The following ADGRL3 variants were observed in gnomAD, a reference collection of about 807,000 sequenced individuals.
The protein encoded by ADGRL3 is adhesion G protein-coupled receptor L3.
Under a neutral mutation model 153.5 loss-of-function variants are expected in ADGRL3, and 62 were observed. That is an observed-to-expected ratio of 0.40 (90% CI 0.33 to 0.50). ADGRL3 has a LOEUF of 0.50. Ranked by LOEUF, ADGRL3 falls within the 20% of genes least tolerant of loss-of-function variation. The pLI is 0.47. For missense variants in ADGRL3, 1,641 were observed against 1,859.4 expected (o/e 0.88, Z 2.16); for synonymous variants, 710 against 672.5 (o/e 1.06, Z -0.86).
intron 8 of ADGRL3, among the ~76,000 whole-genome samples, chr4:61,791,556 G>A (rs993026818): frequency 1.3e-5 from 2 of 152,174 alleles, no homozygotes; most frequent in African/African-American, 4.8e-5. Context: ...GGTGCAAGAT[G>A]TCAGTGGATC....
At chr4:62,037,671 A>T in intron 23 of ADGRL3, 60 bp from the exon 24 acceptor site, 1 of 1,577,566 alleles carries the variant, frequency 6.3e-7, no homozygotes, top group Non-Finnish European at 8.7e-7. Flanking sequence ...TACATTGTCT[A>T]CTTTTGTTCC....
At chr4:61,932,880 A>G (rs543500551) in intron 13 of ADGRL3, among the ~76,000 whole-genome samples, 11 of 150,870 alleles carry the variant, frequency 7.3e-5, no homozygotes, top group East Asian at 1.9e-4. Context: ...CAGAATTTCT[A>G]TTTTTTCCTG....
intron 2 of ADGRL3, among the ~76,000 whole-genome samples, chr4:61,472,491 C>T (rs1050463279): frequency 1.3e-5 from 2 of 152,018 alleles, no homozygotes; most frequent in African/African-American, 4.8e-5. Flanking sequence ...GGCAGCTGGC[C>T]TCTCCCAGAG....
chr4:61,543,281 T>C (rs952044606), intron 4 of ADGRL3, among the ~76,000 whole-genome samples: 3 of 152,040 alleles, frequency 2.0e-5, no homozygotes, highest in African/African-American at 7.2e-5. Flanking sequence ...TCCTGGATTA[T>C]GTAGATGGGT....
In ADGRL3 at chr4:62,003,825, CA is replaced by C. The variant is rs535840606; in HGVS notation, c.3395+5561del. On this transcript the variant is annotated intron_variant, in intron 21 of 26. Coordinates refer to ENST00000683033, the MANE Select transcript of ADGRL3 (RefSeq NM_001387552.1). ...TATCTTATTATGAAAGAATTGGCTC[CA>C]GGGGTGGAATGCTCATTTGATTAAT... is the stretch of plus-strand genomic sequence containing the variant. Among the ~76,000 whole-genome samples, 22 of 152,006 alleles carry C rather than the reference CA, an allele frequency of 1.4e-4. No homozygotes were observed. The South Asian group carries it at 3.9e-3, about 27-fold the overall frequency.
intron 17 of ADGRL3, among the ~76,000 whole-genome samples, chr4:61,951,616 A>G (rs2098947562): frequency 6.6e-6 from 1 of 152,168 alleles, no homozygotes; most frequent in South Asian, 2.1e-4. Flanking sequence ...AAGTAATCCC[A>G]GTACTTCGGG....
intron 17 of ADGRL3, among the ~76,000 whole-genome samples, chr4:61,976,494 G>A (rs2099048531): frequency 6.6e-6 from 1 of 152,082 alleles, no homozygotes; most frequent in African/African-American, 2.4e-5. Context: ...AAGGAGTAAG[G>A]GGAAAATAAT....
At chr4:61,409,963 C>T (rs1031752527) in intron 2 of ADGRL3, among the ~76,000 whole-genome samples, 5 of 151,738 alleles carry the variant, frequency 3.3e-5, no homozygotes, top group African/African-American at 9.7e-5. Context: ...TATGTGGATG[C>T]GTATACTAGA....
intron 1 of ADGRL3, among the ~76,000 whole-genome samples, chr4:61,363,865 G>A (rs181378350): frequency 3.8e-4 from 58 of 152,216 alleles, no homozygotes; most frequent in Non-Finnish European, 6.3e-4. Flanking sequence ...TGCAGCTAAT[G>A]TAAGAGGTAG....
At chr4:61,754,263 T>C (rs551843996) in intron 8 of ADGRL3, among the ~76,000 whole-genome samples, 1 of 152,336 alleles carries the variant, frequency 6.6e-6, no homozygotes, top group Non-Finnish European at 1.5e-5. Context: ...CATATTCTTA[T>C]TGAACTTATT....
Position 61,392,642 on chromosome 4 carries a change from C to T in ADGRL3, c.-174+9453C>T, listed in dbSNP as rs187870241. Reference sequence around the variant, plus strand: ...CAGAGGTTGCAGTGAGCCCAGATTGCGCCACTGCGCTCCAGCCTGGTGACA... The same window carrying T: ...CAGAGGTTGCAGTGAGCCCAGATTGTGCCACTGCGCTCCAGCCTGGTGACA... On this transcript the variant is annotated intron_variant, in intron 2 of 26. Coordinates refer to ENST00000683033, the MANE Select transcript of ADGRL3 (RefSeq NM_001387552.1). Among the ~76,000 whole-genome samples, 96 of 127,760 alleles carry T rather than the reference C, an allele frequency of 7.5e-4. No individual in the cohort carries two copies. The East Asian group carries it at 0.021, about 28-fold the overall frequency. The allele number at this position is 127,760 out of a possible 152,430, so 83.8% of individuals were successfully genotyped here.
intron 8 of ADGRL3, among the ~76,000 whole-genome samples, chr4:61,787,076 A>G (rs2097285040): frequency 6.6e-6 from 1 of 152,128 alleles, no homozygotes; most frequent in Non-Finnish European, 1.5e-5. Context: ...TTCCTGGGCA[A>G]GGTATACCTT....
chr4:61,656,458 A>G (rs1561011653), intron 5 of ADGRL3, among the ~76,000 whole-genome samples: 1 of 152,222 alleles, frequency 6.6e-6, no homozygotes, highest in East Asian at 1.9e-4. Context: ...TAGGGTAAAT[A>G]CTTATTGAGA....
chr4:61,766,249 G>A (rs568202149), intron 8 of ADGRL3, among the ~76,000 whole-genome samples: 4 of 152,200 alleles, frequency 2.6e-5, no homozygotes, highest in East Asian at 1.9e-4. Flanking sequence ...TGAAGGAGCC[G>A]GGAAGCAGAA....
At chr4:61,397,824 A>G (rs143969182) in intron 2 of ADGRL3, among the ~76,000 whole-genome samples, 2 of 152,092 alleles carry the variant, frequency 1.3e-5, no homozygotes, top group African/African-American at 4.8e-5. Flanking sequence ...TAAACTTTAA[A>G]TGAAAATCTC....
intron 5 of ADGRL3, among the ~76,000 whole-genome samples, chr4:61,609,195 A>T (rs2099043945): frequency 6.6e-6 from 1 of 152,128 alleles, no homozygotes; most frequent in Admixed American, 6.6e-5. Flanking sequence ...CATGAAAAAG[A>T]TATCTGAGTT....
At chr4:61,861,191 A>G (rs2098336783) in intron 9 of ADGRL3, among the ~76,000 whole-genome samples, 1 of 152,206 alleles carries the variant, frequency 6.6e-6, no homozygotes, top group South Asian at 2.1e-4. Context: ...CATGATTGTT[A>G]AAAGCAAGGA....
intron 1 of ADGRL3, among the ~76,000 whole-genome samples, chr4:61,265,520 G>C (rs13127903): frequency 0.37 from 56,759 of 151,638 alleles, 11,067 homozygotes; most frequent in Non-Finnish European, 0.43. Flanking sequence ...AATGTGCTGG[G>C]AATACCTTAT....
At chr4:62,063,534 G>T in intron 25 of ADGRL3, 1 of 695,404 alleles carries the variant, frequency 1.4e-6, no homozygotes, top group East Asian at 2.7e-5. Context: ...TATAAGCAAT[G>T]CTCTGCTTCG....
Sources: allele counts gnomAD v4.1 joint callset (sites outside exome capture counted in the v4.1 genomes callset), GRCh38; gene constraint gnomAD v4.1.1; transcripts MANE v1.5; gene names NCBI Gene and HGNC (gene_info 2026-07-23, HGNC 2026-07-21).